Variants in NOC3L observed in about 807,000 individuals in gnomAD.
NOC3L encodes nucleolar complex protein 3 homolog.
Under a neutral mutation model 102.5 loss-of-function variants are expected in NOC3L, and 85 were observed. The observed-to-expected ratio is 0.83, with a 90% CI of 0.70 to 0.99. The LOEUF (loss-of-function observed/expected upper bound fraction) is 0.99. NOC3L is among the 50% of genes least tolerant of loss of function. The pLI is 0.00. For synonymous variants in NOC3L, 303 were observed against 309.4 expected, an observed-to-expected ratio of 0.98 and a Z score of 0.22; for missense variants, 878 against 914.9, an observed-to-expected ratio of 0.96 and a Z score of 0.52.
chr10:94,332,329 C>G (rs1022124982), downstream of NOC3L: 1 of 152,068 alleles, frequency 6.6e-6, no homozygotes, highest in Non-Finnish European at 1.5e-5. Context: ...TTTTCAAAAG[C>G]GTTATGTGGA....
the NOC3L span, chr10:94,322,030 G>A: frequency 9.7e-5 from 157 of 1,613,976 alleles, no homozygotes; most frequent in East Asian, 1.6e-3. Context: ...AGCACCCCGC[G>A]TCAGCACTGC....
intron 2 of NOC3L, among the ~76,000 whole-genome samples, chr10:94,360,307 T>A (rs2054537978): frequency 6.6e-6 from 1 of 151,456 alleles, no homozygotes; most frequent in Non-Finnish European, 1.5e-5. Flanking sequence ...AGAGAGAGAC[T>A]CCATCTCAAA....
intron 4 of NOC3L, 28 bp from the exon 5 acceptor site, chr10:94,356,619 T>C (rs1209103737): frequency 1.5e-6 from 2 of 1,297,326 alleles, no homozygotes; most frequent in Admixed American, 1.7e-5. Flanking sequence ...GTATTAAAAC[T>C]GTGATATATA....
intron 7 of NOC3L, among the ~76,000 whole-genome samples, 166 bp downstream of exon 7, chr10:94,352,730 G>A (rs1334829431): frequency 2.0e-5 from 3 of 152,096 alleles, no homozygotes; most frequent in Non-Finnish European, 4.4e-5. Context: ...GCTGAGGCAG[G>A]AGAATCACTT....
chr10:94,318,738 G>A, the NOC3L span, among the ~76,000 whole-genome samples: 1 of 152,166 alleles, frequency 6.6e-6, no homozygotes, highest in Non-Finnish European at 1.5e-5. Context: ...AGCTGGGGAG[G>A]TGAGGGACAC....
the NOC3L span, chr10:94,321,885 T>G: frequency 6.3e-7 from 1 of 1,599,046 alleles, no homozygotes; most frequent in Non-Finnish European, 8.6e-7. Flanking sequence ...CTCACATTTT[T>G]TCTTTTTAAA....
In NOC3L at chr10:94,333,301, C is replaced by T. The variant is rs1481189899; in HGVS notation, c.*876G>A. On this transcript the variant is annotated 3_prime_UTR_variant, in exon 21 of 21. Coordinates refer to ENST00000371361, the MANE Select transcript of NOC3L (RefSeq NM_022451.11). The stretch of plus-strand genomic sequence containing the variant: ...TATTTATAATCTAGTCACTGAAACA[C>T]GCATTTCTTAGGCCACTCCTAGAAT... 4 of 152,208 alleles carry T rather than the reference C, an allele frequency of 2.6e-5. No individual in the cohort carries two copies. In the East Asian group the frequency reaches 5.8e-4, roughly 22 times the overall value. 9.4% of individuals were successfully genotyped at this position (152,208 alleles called of 1,614,324 possible).
downstream of NOC3L, chr10:94,329,792 A>AAC (rs2054136064): frequency 1.3e-5 from 2 of 149,502 alleles, no homozygotes; most frequent in Admixed American, 1.3e-4. Flanking sequence ...AAAAAAAAAA[A>AAC]AAAAAAAAAA....
chr10:94,316,277 T>A, the NOC3L span, among the ~76,000 whole-genome samples: 1 of 152,176 alleles, frequency 6.6e-6, no homozygotes, highest in Admixed American at 6.5e-5. Flanking sequence ...AACCTAAAAT[T>A]TTTAATTCAC....
At chr10:94,351,245 CA>C (rs1460455155) in intron 8 of NOC3L, among the ~76,000 whole-genome samples, 5 of 152,036 alleles carry the variant, frequency 3.3e-5, no homozygotes, top group African/African-American at 1.2e-4. Flanking sequence ...ACCCCCACCC[CA>C]CTATACTCCA....
chr10:94,321,643 A>AAAAC, the NOC3L span, among the ~76,000 whole-genome samples: 2 of 151,932 alleles, frequency 1.3e-5, no homozygotes, highest in Non-Finnish European at 2.9e-5. Flanking sequence ...AAAAAAAAAA[A>AAAAC]AAACCCACAG....
rs780294140 is a variant in NOC3L at position 94,358,179 on chromosome 10, T to G, written c.254A>C (p.Glu85Ala). ...ATCCATCATATCTAAAGGAAGGGCT[T>G]CTTCTTCTTCCTCTTCTTCCCTCTC... The part of the protein sequence containing the change: ...RIEREEEEEE[E>A]ALPLDMMDED... Residue 85 changes from glutamate (E) to alanine (A), a missense_variant, in exon 3 of 21, where the codon GAA (glutamate) becomes GCA (alanine). Transcript: ENST00000371361. 3.7e-6 allele frequency: 6 copies of G among 1,601,664 alleles called. No homozygotes were observed. Among genetic ancestry groups the G allele is most frequent in the Non-Finnish European group, 4.3e-6 (5 of 1,171,050 alleles).
At chr10:94,321,533 CAGG>C in the NOC3L span, among the ~76,000 whole-genome samples, 1 of 151,214 alleles carries the variant, frequency 6.6e-6, no homozygotes, top group Non-Finnish European at 1.5e-5. Context: ...GAGGCTGAGG[CAGG>C]AGAATTGCTT....
At chr10:94,316,589 T>C in the NOC3L span, 1 of 1,609,322 alleles carries the variant, frequency 6.2e-7, no homozygotes. Flanking sequence ...TACCACAGAC[T>C]ATTTTTTGAT....
intron 6 of NOC3L, among the ~76,000 whole-genome samples, 197 bp from the exon 7 acceptor site, chr10:94,353,254 C>G (rs1048081156): frequency 6.6e-6 from 1 of 152,106 alleles, no homozygotes; most frequent in Admixed American, 6.5e-5. Flanking sequence ...TGTATTAGTC[C>G]GTTCTTGTAT....
At chr10:94,340,036 T>C in intron 16 of NOC3L, 116 bp from the exon 17 acceptor site, 1 of 905,134 alleles carries the variant, frequency 1.1e-6, no homozygotes, top group Non-Finnish European at 1.7e-6. Flanking sequence ...ACCATTTCTC[T>C]AATCAATGAG....
At position 94,349,376 on chromosome 10, in the gene NOC3L, T is replaced by C. The variant is rs1460937629; in HGVS notation, c.1131A>G (p.Ile377Met). The C allele has an allele frequency of 6.4e-7, 1 of 1,571,906 alleles. No homozygotes were observed. Among genetic ancestry groups the C allele is most frequent in the Non-Finnish European group, 8.6e-7 (1 of 1,168,224 alleles). ...TCACAGCTTCACAACACATTTCAGA[T>C]ATCTGAAAAATAAAATGTCATACTT... ...VPLMNDMSKLISEMCCEAVKK... is the reference protein window; with the variant it reads ...VPLMNDMSKLMSEMCCEAVKK... The change falls in exon 10 of 21, where the codon ATA becomes ATG. Residue 377 changes from isoleucine to methionine, a missense_variant and splice_region_variant. By Grantham distance (10) the Ile-to-Met change is conservative. Transcript: ENST00000371361.
the NOC3L span, among the ~76,000 whole-genome samples, chr10:94,319,673 A>G: frequency 6.6e-6 from 1 of 152,112 alleles, no homozygotes; most frequent in African/African-American, 2.4e-5. Context: ...CTATATACAA[A>G]CTACCCTACT....
intron 10 of NOC3L, 138 bp downstream of exon 10, chr10:94,349,112 G>C (rs2054383470): frequency 3.5e-6 from 3 of 846,128 alleles, no homozygotes; most frequent in Non-Finnish European, 5.3e-6. Context: ...AAACATTTCA[G>C]GAGTTGACAT....
Sources: allele counts gnomAD v4.1 joint callset (sites outside exome capture counted in the v4.1 genomes callset), GRCh38; gene constraint gnomAD v4.1.1; transcripts MANE v1.5; gene names NCBI Gene and HGNC (gene_info 2026-07-23, HGNC 2026-07-21).